TMEM131: variants seen among roughly 807,000 people sequenced by gnomAD.
TMEM131 encodes the protein transmembrane protein 131.
TMEM131 carries 66 observed loss-of-function variants against 211.6 expected under a neutral mutation model. The ratio of observed to expected loss-of-function variants is 0.31; its 90% CI spans 0.26 to 0.38. The LOEUF (loss-of-function observed/expected upper bound fraction) is 0.38, where lower values mean the gene tolerates loss of function less well. Ranked by LOEUF, TMEM131 falls within the 10% of genes least tolerant of loss-of-function variation. TMEM131 has a pLI of 1.00. For missense variants in TMEM131, 2,036 were observed against 2,299.3 expected, an observed-to-expected ratio of 0.89 and a Z score of 2.34; for synonymous variants, 844 against 841.3, an observed-to-expected ratio of 1.00 and a Z score of -0.06.
At chr2:97,943,604 C>T (rs1473227325) in intron 1 of TMEM131, among the ~76,000 whole-genome samples, 1 of 152,202 alleles carries the variant, frequency 6.6e-6, no homozygotes, top group Non-Finnish European at 1.5e-5. Context: ...CCAACGCAAT[C>T]TTGTCAAAAT....
chr2:97,920,331 C>T (rs1573558281), intron 2 of TMEM131, among the ~76,000 whole-genome samples: 1 of 152,118 alleles, frequency 6.6e-6, no homozygotes, highest in Non-Finnish European at 1.5e-5. Flanking sequence ...AAGAAAAAAT[C>T]GTATCTAACC....
chr2:97,956,452 C>T (rs765478690), intron 1 of TMEM131, among the ~76,000 whole-genome samples: 6 of 151,634 alleles, frequency 4.0e-5, no homozygotes, highest in Non-Finnish European at 7.4e-5. Flanking sequence ...TATTGATCTC[C>T]TATTACTTTG....
At chr2:97,951,577 C>G (rs1678316335) in intron 1 of TMEM131, among the ~76,000 whole-genome samples, 1 of 152,166 alleles carries the variant, frequency 6.6e-6, no homozygotes, top group Admixed American at 6.5e-5. Flanking sequence ...CTGGGCTTCC[C>G]TTTTCCTGAT....
chr2:97,974,962 C>T (rs1679466499), intron 1 of TMEM131, among the ~76,000 whole-genome samples: 1 of 152,116 alleles, frequency 6.6e-6, no homozygotes, highest in Non-Finnish European at 1.5e-5. Context: ...AACAGCACTA[C>T]AACCAACCTG....
At chr2:97,766,369 G>T in intron 34 of TMEM131, 106 bp from the exon 35 acceptor site, 2 of 1,596,542 alleles carry the variant, frequency 1.3e-6, no homozygotes, top group South Asian at 1.1e-5. Context: ...CCTTAGCCTT[G>T]CATGACTAAT....
At chr2:97,782,932 T>G (rs1680081130) in intron 31 of TMEM131, among the ~76,000 whole-genome samples, 1 of 150,142 alleles carries the variant, frequency 6.7e-6, no homozygotes, top group South Asian at 2.1e-4. Flanking sequence ...GGGTAAAAAC[T>G]TCCTAAATTT....
chr2:97,832,810 T>A (rs917911045), intron 11 of TMEM131, among the ~76,000 whole-genome samples: 1 of 152,218 alleles, frequency 6.6e-6, no homozygotes, highest in Non-Finnish European at 1.5e-5. Context: ...CAATTCCATA[T>A]GGCCTAAAAG....
intron 5 of TMEM131, among the ~76,000 whole-genome samples, chr2:97,853,097 G>T (rs896614487): frequency 6.6e-5 from 10 of 152,198 alleles, no homozygotes; most frequent in Non-Finnish European, 1.3e-4. Context: ...AAATGTACAA[G>T]AAGATGCACG....
chr2:97,921,257 G>C (rs1676729086), intron 2 of TMEM131, among the ~76,000 whole-genome samples: 2 of 151,930 alleles, frequency 1.3e-5, no homozygotes, highest in African/African-American at 4.8e-5. Flanking sequence ...CAAATACTAG[G>C]GAAAGAAAAC....
intron 4 of TMEM131, among the ~76,000 whole-genome samples, chr2:97,881,237 C>A (rs571501768): frequency 5.1e-5 from 7 of 138,406 alleles, no homozygotes. Context: ...TTCTTTCTTG[C>A]GACTCTTTTT....
At chr2:97,876,866 A>G (rs1674716973) in intron 4 of TMEM131, among the ~76,000 whole-genome samples, 1 of 152,222 alleles carries the variant, frequency 6.6e-6, no homozygotes, top group Non-Finnish European at 1.5e-5. Flanking sequence ...ATCAGGCAAG[A>G]GAAAGAAATA....
chr2:97,820,778 T>C (rs1487693869), intron 11 of TMEM131, among the ~76,000 whole-genome samples: 1 of 151,280 alleles, frequency 6.6e-6, no homozygotes, highest in Admixed American at 6.6e-5. Context: ...ACTACTTGAA[T>C]CCGGGAGGCG....
At chr2:97,779,339 A>G (rs939535235) in intron 31 of TMEM131, among the ~76,000 whole-genome samples, 4 of 152,252 alleles carry the variant, frequency 2.6e-5, no homozygotes, top group Non-Finnish European at 5.9e-5. Flanking sequence ...CCTGACTGAT[A>G]AGACTGGATG....
chr2:97,888,444 A>G (rs1675250510), intron 3 of TMEM131, among the ~76,000 whole-genome samples: 3 of 152,248 alleles, frequency 2.0e-5, no homozygotes, highest in Admixed American at 2.0e-4. Context: ...TTTCTGATAC[A>G]TGTATGATGA....
chr2:97,948,354 A>G (rs901335017), intron 1 of TMEM131, among the ~76,000 whole-genome samples: 12 of 152,200 alleles, frequency 7.9e-5, no homozygotes, highest in Non-Finnish European at 5.9e-5. Context: ...CTAAATAAGA[A>G]AACAAACAGC....
Position 97,815,342 on chromosome 2 carries a change from T to G in TMEM131, c.1184-35A>C. On this transcript the variant is annotated intron_variant, in intron 12 of 40. Transcript: ENST00000186436. ...AGCATAAAAAATAATCTCTGTTACC[T>G]TTTACTACCAAAGAGAATTAGTGAA... 3.1e-6 allele frequency: 4 copies of G among 1,310,290 alleles called. No homozygotes were observed. The Admixed American group carries it at 1.1e-4, about 34-fold the overall frequency. The allele number at this position is 1,310,290 out of a possible 1,614,324, so 81.2% of individuals were successfully genotyped here. A position where few individuals can be genotyped will look rare whatever the true frequency, so the allele number is the denominator to read the frequency against.
chr2:97,977,664 T>TA (rs761612636), intron 1 of TMEM131, among the ~76,000 whole-genome samples: 21 of 152,198 alleles, frequency 1.4e-4, no homozygotes, highest in Non-Finnish European at 2.5e-4. Flanking sequence ...ACTTTATTGC[T>TA]AAAAAATCCT....
At chr2:97,914,834 A>G (rs1041930226) in intron 2 of TMEM131, among the ~76,000 whole-genome samples, 5 of 152,244 alleles carry the variant, frequency 3.3e-5, no homozygotes, top group African/African-American at 1.2e-4. Flanking sequence ...GCTGCTATGA[A>G]CATTTATATA....
intron 3 of TMEM131, among the ~76,000 whole-genome samples, chr2:97,904,386 A>G (rs201186317): frequency 6.6e-5 from 10 of 152,132 alleles, no homozygotes; most frequent in East Asian, 5.8e-4. Context: ...GGAAAAGGAG[A>G]GAGTTAAAAA....
Sources: allele counts gnomAD v4.1 joint callset (sites outside exome capture counted in the v4.1 genomes callset), GRCh38; gene constraint gnomAD v4.1.1; transcripts MANE v1.5; gene names NCBI Gene and HGNC (gene_info 2026-07-23, HGNC 2026-07-21).